RALYL: variants seen among roughly 807,000 people sequenced by gnomAD.
The protein encoded by RALYL is RALY RNA binding protein like.
RALYL carries 29 observed loss-of-function variants against 35.1 expected under a neutral mutation model. That is an observed-to-expected ratio of 0.83 (90% CI 0.61 to 1.13). The LOEUF is 1.13. RALYL is among the 50% of genes most tolerant of loss of function. The probability of loss-of-function intolerance (pLI) is 0.00; values close to 1 mark genes in which losing one functional copy is unlikely to be tolerated. For missense variants in RALYL, 359 were observed against 360.4 expected, an observed-to-expected ratio of 1.00 and a Z score of 0.03; for synonymous variants, 120 against 127.6, an observed-to-expected ratio of 0.94 and a Z score of 0.40.
intron 2 of RALYL, among the ~76,000 whole-genome samples, chr8:84,710,050 G>A (rs1336449787): frequency 2.6e-5 from 4 of 151,948 alleles, no homozygotes; most frequent in African/African-American, 9.7e-5. Flanking sequence ...GACAGAGCTA[G>A]ACTCCATCTC....
At chr8:84,837,815 ATTTG>A (rs1374665608) in intron 4 of RALYL, among the ~76,000 whole-genome samples, 2 of 152,204 alleles carry the variant, frequency 1.3e-5, no homozygotes, top group East Asian at 1.9e-4. Flanking sequence ...AATATGAAAT[ATTTG>A]TTTGCACTAA....
chr8:84,855,675 A>T (rs1836818525), intron 5 of RALYL, among the ~76,000 whole-genome samples: 1 of 152,244 alleles, frequency 6.6e-6, no homozygotes, highest in Non-Finnish European at 1.5e-5. Flanking sequence ...GTAAAAGGAG[A>T]TGTATACCTA....
chr8:84,664,263 ATTTTTTTTTT>A (rs60423756), intron 2 of RALYL, among the ~76,000 whole-genome samples: 1 of 58,034 alleles, frequency 1.7e-5, no homozygotes, highest in East Asian at 6.3e-4. Flanking sequence ...ATGCCTCTAG[ATTTTTTTTTT>A]TTTTTTTTTT....
At chr8:84,491,787 T>C (rs1466538252) in intron 1 of RALYL, among the ~76,000 whole-genome samples, 2 of 152,018 alleles carry the variant, frequency 1.3e-5, no homozygotes, top group African/African-American at 4.8e-5. Flanking sequence ...ATATATTTGA[T>C]GATAATCTCT....
At chr8:84,519,206 T>G (rs1242655743) in intron 1 of RALYL, among the ~76,000 whole-genome samples, 2 of 152,214 alleles carry the variant, frequency 1.3e-5, no homozygotes, top group Admixed American at 6.5e-5. Context: ...GAATATACAG[T>G]TATATGTCAT....
intron 1 of RALYL, among the ~76,000 whole-genome samples, chr8:84,288,795 T>C (rs1838185969): frequency 6.6e-6 from 1 of 151,356 alleles, no homozygotes; most frequent in Admixed American, 6.6e-5. Context: ...ATACTTTAAG[T>C]AATTAGTATA....
intron 2 of RALYL, among the ~76,000 whole-genome samples, chr8:84,620,393 T>C (rs1821054531): frequency 6.6e-6 from 1 of 152,116 alleles, no homozygotes; most frequent in Admixed American, 6.5e-5. Context: ...CATCGGCTCC[T>C]GAGGCTTCTG....
At chr8:84,204,410 A>T (rs2131055623) in intron 1 of RALYL, among the ~76,000 whole-genome samples, 1 of 152,320 alleles carries the variant, frequency 6.6e-6, no homozygotes, top group East Asian at 1.9e-4. Flanking sequence ...TTTCTTACAA[A>T]GACTACACAT....
chr8:84,494,261 A>G (rs923089890), intron 1 of RALYL, among the ~76,000 whole-genome samples: 2 of 152,036 alleles, frequency 1.3e-5, no homozygotes, highest in African/African-American at 2.4e-5. Flanking sequence ...CCATTGGTCT[A>G]TATGTCTGTT....
chr8:84,887,627 G>A lies in RALYL; in HGVS notation c.709G>A (p.Glu237Lys). 1.9e-6 allele frequency: 3 copies of A among 1,609,944 alleles called. No individual in the cohort carries two copies. The highest frequency in any genetic ancestry group is 2.5e-6 in the Non-Finnish European group (3 of 1,178,358). Residue 237 changes from glutamate to lysine, a missense_variant, in exon 8 of 9, where the codon GAG (glutamate) becomes AAG (lysine). Coordinates refer to ENST00000521268, the MANE Select transcript of RALYL (RefSeq NM_173848.7). ...EAEAQKKQLE[E>K]SLVLIQEECV... is the part of the protein sequence containing the mutation. ...AGAAGCTCAGAAGAAGCAATTGGAA[G>A]AGAGTCTAGTGCTGATCCAAGAGGA...
intron 2 of RALYL, among the ~76,000 whole-genome samples, chr8:84,764,356 T>A (rs76964584): frequency 0.037 from 5,667 of 152,314 alleles, 414 homozygotes; most frequent in East Asian, 0.23. Flanking sequence ...AATAATTATT[T>A]GATCAATGAA....
At chr8:84,399,790 G>A (rs2042705885) in intron 1 of RALYL, among the ~76,000 whole-genome samples, 1 of 152,184 alleles carries the variant, frequency 6.6e-6, no homozygotes, top group Non-Finnish European at 1.5e-5. Context: ...CCTGTTGTTA[G>A]AAGGGAAGAA....
intron 1 of RALYL, among the ~76,000 whole-genome samples, chr8:84,439,296 T>C: frequency 6.6e-6 from 1 of 152,140 alleles, no homozygotes; most frequent in Admixed American, 6.6e-5. Flanking sequence ...ATAGAGATCT[T>C]TCAACTCACA....
At chr8:84,813,346 C>T (rs972471838) in intron 4 of RALYL, among the ~76,000 whole-genome samples, 2 of 152,146 alleles carry the variant, frequency 1.3e-5, no homozygotes, top group African/African-American at 2.4e-5. Flanking sequence ...TTCATTCTTG[C>T]AGTTGATCTG....
At chr8:84,364,214 CA>C (rs1853720640) in intron 1 of RALYL, among the ~76,000 whole-genome samples, 5 of 152,114 alleles carry the variant, frequency 3.3e-5, no homozygotes, top group South Asian at 2.1e-4. Context: ...TCGCTTCTGA[CA>C]AAATGAGGGA....
rs564392689 is a variant in RALYL, at chr8:84,188,346, A to G, written c.-24+3922A>G. Reference sequence around the variant, plus strand: ...AAGTAATGATTAATTTTATTCTTCAAATTTTTATGGACTTCCAGAAAGTAA... The same window carrying G: ...AAGTAATGATTAATTTTATTCTTCAGATTTTTATGGACTTCCAGAAAGTAA... On this transcript the variant is annotated intron_variant, in intron 1 of 8. Transcript: ENST00000521268. 2.2e-4 allele frequency among the ~76,000 whole-genome samples: 33 copies of G among 152,188 alleles called. No homozygotes were observed. The South Asian group carries it at 6.6e-3, about 31-fold the overall frequency.
intron 1 of RALYL, among the ~76,000 whole-genome samples, chr8:84,491,714 G>T (rs2055331482): frequency 6.6e-6 from 1 of 151,942 alleles, no homozygotes; most frequent in Non-Finnish European, 1.5e-5. Context: ...CCTTTAAAAT[G>T]AATTTGGATT....
intron 2 of RALYL, among the ~76,000 whole-genome samples, chr8:84,683,761 A>T (rs1328341256): frequency 6.6e-6 from 1 of 152,110 alleles, no homozygotes; most frequent in Non-Finnish European, 1.5e-5. Flanking sequence ...ATCCCGGTTC[A>T]CTGCAACCTC....
chr8:84,349,104 A>G (rs898910151), intron 1 of RALYL, among the ~76,000 whole-genome samples: 2 of 149,820 alleles, frequency 1.3e-5, no homozygotes, highest in Admixed American at 1.3e-4. Context: ...TTCAGAGGCA[A>G]TTTTTCTTGG....
Sources: allele counts gnomAD v4.1 joint callset (sites outside exome capture counted in the v4.1 genomes callset), GRCh38; gene constraint gnomAD v4.1.1; transcripts MANE v1.5; gene names NCBI Gene and HGNC (gene_info 2026-07-23, HGNC 2026-07-21).